Variants in ATP2A1 observed in about 807,000 individuals in gnomAD.
The protein encoded by ATP2A1 is sarcoplasmic/endoplasmic reticulum calcium ATPase 1.
ATP2A1 carries 83 observed loss-of-function variants against 109.5 expected under a neutral mutation model. That is an observed-to-expected ratio of 0.76 (90% CI 0.63 to 0.91). The LOEUF (loss-of-function observed/expected upper bound fraction) is 0.91. Ranked by LOEUF, ATP2A1 falls within the 40% of genes least tolerant of loss-of-function variation. The probability of loss-of-function intolerance (pLI) is 0.00; values close to 1 mark genes in which losing one functional copy is unlikely to be tolerated. For missense variants in ATP2A1, 1,101 were observed against 1,341.0 expected, an observed-to-expected ratio of 0.82 and a Z score of 2.80; for synonymous variants, 505 against 537.6, an observed-to-expected ratio of 0.94 and a Z score of 0.84.
chr16:28,901,039 C>CTCTTCCTTGGGGTCTGAAT, intron 15 of ATP2A1, 123 bp downstream of exon 15: 2 of 1,312,632 alleles, frequency 1.5e-6, no homozygotes, highest in Non-Finnish European at 2.1e-6. Flanking sequence ...GGGATTCAGA[C>CTCTTCCTTGGGGTCTGAAT]CCCAAGGAAG....
intron 14 of ATP2A1, 88 bp from the exon 15 acceptor site, chr16:28,900,490 CTTT>C: frequency 8.2e-7 from 1 of 1,218,862 alleles, no homozygotes; most frequent in Non-Finnish European, 1.1e-6. Context: ...ACTTCCTGAC[CTTT>C]CACCCCATCC....
At chr16:28,882,892 G>A (rs754517995) in intron 5 of ATP2A1, among the ~76,000 whole-genome samples, 11 of 152,136 alleles carry the variant, frequency 7.2e-5, no homozygotes, top group East Asian at 1.9e-4. Flanking sequence ...CAATGGCCCC[G>A]TCTCCACCCC....
Position 28,902,382 on chromosome 16 carries a change from C to G in ATP2A1, c.2520C>G (p.Ile840Met). Residue 840 changes from isoleucine to methionine, a missense_variant, in exon 17 of 23, where the codon ATC (isoleucine) becomes ATG (methionine). Transcript: ENST00000395503. The surrounding 1 kb of genome is among the most constrained non-coding windows in gnomAD (Gnocchi z 4.8). Reference protein sequence around the residue: ...SGWLFFRYMAIGGYVGAATVG... With the variant: ...SGWLFFRYMAMGGYVGAATVG... Reference sequence around the variant, plus strand: ...GGCTCTTCTTCCGCTACATGGCAATCGGGGGTGAGCTGGAGGGGTTCCTCG... The same window carrying G: ...GGCTCTTCTTCCGCTACATGGCAATGGGGGGTGAGCTGGAGGGGTTCCTCG... 6.2e-7 allele frequency: 1 copy of G among 1,613,884 alleles called. No individual in the cohort carries two copies. Among genetic ancestry groups the G allele is most frequent in the South Asian group, 1.1e-5 (1 of 91,066 alleles).
chr16:28,898,355 G>A lies in ATP2A1; in HGVS notation c.1668G>A (p.Arg556=). The change falls in exon 14 of 23, where the codon CGG becomes CGA. Residue 556 remains arginine, a synonymous_variant. Transcript: ENST00000395503. This position sits in a 1 kb window ranked among gnomAD's most constrained non-coding sequence, Gnocchi z 4.0. The part of the protein sequence containing the change: ...MAVIKEWGTG[R]DTLRCLALAT... Reference sequence around the variant, plus strand: ...TGATCAAGGAGTGGGGCACTGGCCGGGACACCCTGCGCTGCTTGGCCCTGG... The same window carrying A: ...TGATCAAGGAGTGGGGCACTGGCCGAGACACCCTGCGCTGCTTGGCCCTGG... 1 of 1,614,202 alleles carries A rather than the reference G, an allele frequency of 6.2e-7. No homozygotes were observed. Among genetic ancestry groups the A allele is most frequent in the Non-Finnish European group, 8.5e-7 (1 of 1,180,044 alleles).
At position 28,880,204 on chromosome 16, in the gene ATP2A1, C is replaced by T. The variant is rs956243997; in HGVS notation, c.219+621C>T. 2 of 867,198 alleles carry T rather than the reference C, an allele frequency of 2.3e-6. No homozygotes were observed. The highest frequency in any genetic ancestry group is 5.6e-5 in the Admixed American group (1 of 18,014). The allele number at this position is 867,198 out of a possible 1,614,324, so 53.7% of individuals were successfully genotyped here. A position where few individuals can be genotyped will look rare whatever the true frequency, so the allele number is the denominator to read the frequency against. On this transcript the variant is annotated intron_variant, in intron 3 of 22. Transcript: ENST00000395503. The surrounding 1 kb of genome is among the most constrained non-coding windows in gnomAD (Gnocchi z 4.2). ...CAGGGCATCTCCAGGGCTCTGCCTC[C>T]TCTCCCGCCCTGGGGGCTACTCCCC...
chr16:28,887,870 G>C, intron 8 of ATP2A1, 148 bp downstream of exon 8: 1 of 1,067,998 alleles, frequency 9.4e-7, no homozygotes, highest in Non-Finnish European at 1.4e-6. Context: ...GCGTGATCTC[G>C]GCTCACTGCA....
chr16:28,903,644 C>A lies in ATP2A1; in HGVS notation c.2981-56C>A. 6.9e-7 allele frequency: 1 copy of A among 1,445,142 alleles called. No homozygotes were observed. 89.5% of individuals were successfully genotyped at this position (1,445,142 alleles called of 1,614,324 possible). A position where few individuals can be genotyped will look rare whatever the true frequency, so the allele number is the denominator to read the frequency against. On this transcript the variant is annotated intron_variant, in intron 21 of 22. Transcript: ENST00000395503. This position sits in a 1 kb window ranked among gnomAD's most constrained non-coding sequence, Gnocchi z 5.6. ...TCCTCAGCCCCCACAGCCCCTATAG[C>A]CCCCATGCCACCTCCCTGCCTTGAT...
Position 28,881,005 on chromosome 16 carries a change from G to A in ATP2A1, c.310G>A (p.Val104Met), listed in dbSNP as rs1247325735. 9.3e-6 allele frequency: 15 copies of A among 1,613,966 alleles called. No individual in the cohort carries two copies. Among genetic ancestry groups the A allele is most frequent in the African/African-American group, 1.3e-5 (1 of 74,914 alleles). Residue 104 changes from valine to methionine, a missense_variant, in exon 4 of 23, where the codon GTG becomes ATG. Transcript: ENST00000395503. ...CTTGATCCTCATTGCCAATGCCATC[G>A]TGGGGGTTTGGCAGGTTAGCGTTGA... ...ILLILIANAI[V>M]GVWQERNAEN... is the part of the protein sequence containing the mutation.
At chr16:28,882,331 C>T in intron 4 of ATP2A1, 120 bp from the exon 5 acceptor site, 2 of 1,470,480 alleles carry the variant, frequency 1.4e-6, no homozygotes, top group Admixed American at 1.7e-5. Context: ...GTGACAGTTT[C>T]CTCAACATAC....
At chr16:28,893,655 G>GTTTTT (rs11304796) in intron 9 of ATP2A1, among the ~76,000 whole-genome samples, 1 of 111,994 alleles carries the variant, frequency 8.9e-6, no homozygotes, top group Non-Finnish European at 1.8e-5. Context: ...GTTTTTTTTT[G>GTTTTT]TTTTTTTTTT....
Position 28,879,547 on chromosome 16 carries a change from G to A in ATP2A1, c.183G>A (p.Leu61=). 1 of 1,614,190 alleles carries A rather than the reference G, an allele frequency of 6.2e-7. No individual in the cohort carries two copies. The highest frequency in any genetic ancestry group is 8.5e-7 in the Non-Finnish European group (1 of 1,180,030). ...ELVIEQFEDL[L]VRILLLAACI... ...TGATAGAGCAGTTTGAAGACCTCCT[G>A]GTGCGGATTCTCCTCCTGGCCGCAT... Residue 61 remains leucine (L), a synonymous_variant, in exon 3 of 23, where the codon CTG becomes CTA. Transcript: ENST00000395503.
chr16:28,882,313 ACCTGTAGGTGACAGTTT>A, intron 4 of ATP2A1, 121 bp from the exon 5 acceptor site: 1 of 1,317,588 alleles, frequency 7.6e-7, no homozygotes, highest in African/African-American at 1.5e-5. Flanking sequence ...ACCTGTTTTC[ACCTGTAGGTGACAGTTT>A]CCTCAACATA....
chr16:28,887,694 G>A lies in ATP2A1; in HGVS notation c.900G>A (p.Val300=), dbSNP rs1390964183. The stretch of plus-strand genomic sequence containing the variant: ...CCATCTACTACTTTAAGATTGCCGT[G>A]GCCTTGGCTGTGGCTGCCATCCCCG... The part of the protein sequence containing the change: ...RGAIYYFKIA[V]ALAVAAIPEG... Residue 300 remains valine (V), a synonymous_variant, in exon 8 of 23, where the codon GTG becomes GTA. Transcript: ENST00000395503. The A allele has an allele frequency of 1.2e-6, 2 of 1,614,002 alleles. No homozygotes were observed. Among genetic ancestry groups the A allele is most frequent in the South Asian group, 2.2e-5 (2 of 91,086 alleles).
intron 1 of ATP2A1, 51 bp from the exon 2 acceptor site, chr16:28,879,048 A>C: frequency 1.9e-6 from 3 of 1,613,390 alleles, no homozygotes; most frequent in Non-Finnish European, 2.5e-6. Context: ...TGTGGGGGGC[A>C]TGAGGCTGAA....
In ATP2A1 at chr16:28,900,767, C is replaced by G. The variant is rs200278446; in HGVS notation, c.1951C>G (p.Arg651Gly). The change falls in exon 15 of 23, where the codon CGC (arginine) becomes GGC (glycine). Residue 651 changes from arginine to glycine, a missense_variant. By Grantham distance (125) the Arg-to-Gly change is moderately radical (BLOSUM62 -2). Coordinates refer to ENST00000395503, the MANE Select transcript of ATP2A1 (RefSeq NM_004320.6). Reference sequence around the variant, plus strand: ...TGGGGAGAACGAGGAGGTGGCCGATCGCGCCTACACGGGCCGAGAGTTCGA... The same window carrying G: ...TGGGGAGAACGAGGAGGTGGCCGATGGCGCCTACACGGGCCGAGAGTTCGA... The part of the protein sequence containing the change: ...IFGENEEVAD[R>G]AYTGREFDDL... The G allele has an allele frequency of 6.2e-7, 1 of 1,614,204 alleles. No individual in the cohort carries two copies. The highest frequency in any genetic ancestry group is 8.5e-7 in the Non-Finnish European group (1 of 1,180,028).
At chr16:28,901,615 AGAGT>A (rs1299108782) in intron 15 of ATP2A1, among the ~76,000 whole-genome samples, 7 of 152,152 alleles carry the variant, frequency 4.6e-5, no homozygotes, top group Admixed American at 4.6e-4. Flanking sequence ...CCTGGGCGAC[AGAGT>A]GAGACTCCGT....
At chr16:28,897,540 G>GT (rs929349656) in intron 12 of ATP2A1, among the ~76,000 whole-genome samples, 10 of 151,724 alleles carry the variant, frequency 6.6e-5, no homozygotes, top group Admixed American at 1.3e-4. Context: ...AACAATGAAA[G>GT]TTTTTTTTTC....
chr16:28,881,076 C>A, intron 4 of ATP2A1, 57 bp downstream of exon 4: 1 of 1,529,870 alleles, frequency 6.5e-7, no homozygotes, highest in South Asian at 1.1e-5. Flanking sequence ...AGAGGCCAAC[C>A]CTCCCTCCAG....
chr16:28,886,525 G>A (rs1409988732), intron 6 of ATP2A1, among the ~76,000 whole-genome samples: 1 of 152,012 alleles, frequency 6.6e-6, no homozygotes, highest in Non-Finnish European at 1.5e-5. Context: ...AAACATGCTT[G>A]ACAGTTAAAA....
Sources: gnomAD v4.1 joint callset for allele counts (sites outside exome capture counted in the v4.1 genomes callset) on GRCh38, gnomAD v4.1.1 for gene constraint, Gnocchi (gnomAD v3.1) non-coding constraint, MANE v1.5 for transcripts, NCBI Gene and HGNC (gene_info 2026-07-23, HGNC 2026-07-21) for gene names.